The following ELFN1 variants were observed in gnomAD, a reference collection of about 807,000 sequenced individuals.
ELFN1 encodes protein ELFN1.
Under a neutral mutation model 7.6 loss-of-function variants are expected in ELFN1, and 6 were observed. The observed-to-expected ratio is 0.79, with a 90% CI of 0.43 to 1.56. The LOEUF (loss-of-function observed/expected upper bound fraction) is 1.56. ELFN1 is among the 40% of genes most tolerant of loss of function. The pLI is 0.01. For synonymous variants in ELFN1, 657 were observed against 588.1 expected, an observed-to-expected ratio of 1.12 and a Z score of -1.70; for missense variants, 1,169 against 1,232.2, an observed-to-expected ratio of 0.95 and a Z score of 0.77.
chr7:1,725,538 C>A (rs545243675), intron 3 of ELFN1, among the ~76,000 whole-genome samples: 5 of 152,284 alleles, frequency 3.3e-5, no homozygotes, highest in Middle Eastern at 3.4e-3. Context: ...GGCTGCCTCT[C>A]ATTGACTAAG....
At chr7:1,679,630 C>T (rs573511640) in intron 1 of ELFN1, among the ~76,000 whole-genome samples, 3 of 152,338 alleles carry the variant, frequency 2.0e-5, no homozygotes, top group East Asian at 3.9e-4. Flanking sequence ...GCCTCATGTT[C>T]GCACCTGTGC....
chr7:1,728,484 T>C (rs1780254591), intron 3 of ELFN1, among the ~76,000 whole-genome samples: 1 of 152,236 alleles, frequency 6.6e-6, no homozygotes, highest in African/African-American at 2.4e-5. Flanking sequence ...CCCAGTCCTC[T>C]TCACTCAGGG....
chr7:1,689,567 T>G (rs938917492), intron 2 of ELFN1, among the ~76,000 whole-genome samples: 1 of 152,330 alleles, frequency 6.6e-6, no homozygotes, highest in African/African-American at 2.4e-5. Flanking sequence ...GGGCTGGGCC[T>G]GGTGCACTAC....
chr7:1,732,101 G>C (rs1295122229), intron 3 of ELFN1, among the ~76,000 whole-genome samples: 2 of 152,238 alleles, frequency 1.3e-5, no homozygotes, highest in East Asian at 1.9e-4. Flanking sequence ...GGTGGAGATA[G>C]ATGGGAATCA....
At chr7:1,671,279 T>A (rs2128572484) in intron 1 of ELFN1, among the ~76,000 whole-genome samples, 1 of 151,554 alleles carries the variant, frequency 6.6e-6, no homozygotes, top group South Asian at 2.1e-4. Flanking sequence ...TTTCCACACC[T>A]GTGAAATGGG....
chr7:1,701,073 G>A (rs1226681214), intron 2 of ELFN1, among the ~76,000 whole-genome samples: 10 of 152,014 alleles, frequency 6.6e-5, no homozygotes, highest in Admixed American at 6.6e-4. Flanking sequence ...GCGTGTGTAT[G>A]TGTGCGTGTG....
chr7:1,701,873 A>G (rs1779434512), intron 2 of ELFN1, among the ~76,000 whole-genome samples: 1 of 152,172 alleles, frequency 6.6e-6, no homozygotes, highest in Non-Finnish European at 1.5e-5. Context: ...TTCAAAATGT[A>G]TAGTTCTTCT....
chr7:1,702,231 T>C (rs1277857911), intron 2 of ELFN1, among the ~76,000 whole-genome samples: 1 of 152,276 alleles, frequency 6.6e-6, no homozygotes, highest in East Asian at 1.9e-4. Flanking sequence ...GAGACCATCC[T>C]GGCTAACACG....
rs181766356 is a variant in ELFN1 at position 1,671,362 on chromosome 7, G to C, written c.-549+1008G>C. Among the ~76,000 whole-genome samples the C allele has an allele frequency of 4.1e-3, 630 of 152,348 alleles. 5 individuals are homozygous for C. The highest frequency in any genetic ancestry group is 0.015 in the African/African-American group (608 of 41,584). ...GGTCGAGGCCGGCCGAGCCAGGTGT[G>C]CACGTCCTCAAAAAGCCTCCGTGCC... On this transcript the variant is annotated intron_variant, in intron 1 of 3. Coordinates refer to ENST00000424383, the MANE Select transcript of ELFN1 (RefSeq NM_001128636.4).
At chr7:1,711,526 G>A (rs1417333510) in intron 3 of ELFN1, among the ~76,000 whole-genome samples, 3 of 151,214 alleles carry the variant, frequency 2.0e-5, no homozygotes, top group African/African-American at 7.3e-5. Context: ...GACAGCCGGA[G>A]GCTCAGAGAG....
chr7:1,727,009 C>T (rs978816993), intron 3 of ELFN1, among the ~76,000 whole-genome samples: 5 of 152,190 alleles, frequency 3.3e-5, no homozygotes, highest in African/African-American at 1.2e-4. Context: ...CAGCAGGCAA[C>T]AGGATCGGTG....
chr7:1,669,177 A>G (rs1279313107), upstream of ELFN1, among the ~76,000 whole-genome samples: 1 of 152,180 alleles, frequency 6.6e-6, no homozygotes, highest in Non-Finnish European at 1.5e-5. Flanking sequence ...GTTCATTCAC[A>G]TTCCCTCTCC....
rs55658122 is a variant in ELFN1, at chr7:1,711,575, T to TGAGAGA, written c.-294+2370_-294+2375dup. Among the ~76,000 whole-genome samples the TGAGAGA allele has an allele frequency of 4.4e-3, 384 of 87,564 alleles. 11 individuals are homozygous for TGAGAGA. Among genetic ancestry groups the TGAGAGA allele is most frequent in the South Asian group, 0.013 (28 of 2,180 alleles). 57.4% of individuals were successfully genotyped at this position (87,564 alleles called of 152,430 possible). ...AAACCTTGAAGAGAGAGCGAGAGAG[T>TGAGAGA]GAGAGAGAGAGAGAGAGAGAGAGAG... On this transcript the variant is annotated intron_variant, in intron 3 of 3. Transcript: ENST00000424383.
Position 1,746,425 on chromosome 7 carries a change from G to A in ELFN1, c.1829G>A (p.Gly610Asp). 6.5e-7 allele frequency: 1 copy of A among 1,532,246 alleles called. No homozygotes were observed. The highest frequency in any genetic ancestry group is 8.8e-7 in the Non-Finnish European group (1 of 1,141,908). The allele number at this position is 1,532,246 out of a possible 1,614,324, so 94.9% of individuals were successfully genotyped here. A position where few individuals can be genotyped will look rare whatever the true frequency, so the allele number is the denominator to read the frequency against. Residue 610 changes from glycine (G) to aspartate (D), a missense_variant, in exon 4 of 4, where the codon GGC becomes GAC. By Grantham distance (94) the Gly-to-Asp change is moderately conservative. This residue lies in a region of ELFN1 where 914 missense variants were observed against 872.6 expected (regional missense o/e 1.05). Transcript: ENST00000424383. Reference protein sequence around the residue: ...LLSEPLAAKHGFLAPGYKDAF... With the variant: ...LLSEPLAAKHDFLAPGYKDAF... ...TCCGAGCCGCTGGCCGCCAAGCACG[G>A]CTTCCTGGCGCCCGGGTACAAGGAC...
At chr7:1,727,979 TGCAGGG>T (rs1459752278) in intron 3 of ELFN1, among the ~76,000 whole-genome samples, 1 of 152,186 alleles carries the variant, frequency 6.6e-6, no homozygotes, top group Non-Finnish European at 1.5e-5. Context: ...CCACCCTGTG[TGCAGGG>T]GAGCGGTTTG....
intron 3 of ELFN1, among the ~76,000 whole-genome samples, chr7:1,723,261 C>T (rs567127013): frequency 6.6e-6 from 1 of 152,166 alleles, no homozygotes; most frequent in Non-Finnish European, 1.5e-5. Flanking sequence ...TTTCAGCACG[C>T]GGTTCAGTGG....
chr7:1,704,370 G>A (rs1213382085), intron 2 of ELFN1, among the ~76,000 whole-genome samples: 1 of 152,172 alleles, frequency 6.6e-6, no homozygotes, highest in Admixed American at 6.5e-5. Flanking sequence ...AAAAGGACCA[G>A]CGTTGTCTGG....
chr7:1,730,999 T>C (rs967094823), intron 3 of ELFN1, among the ~76,000 whole-genome samples: 3 of 152,178 alleles, frequency 2.0e-5, no homozygotes, highest in African/African-American at 7.2e-5. Context: ...ATCAATAACT[T>C]TTCTCTGAAC....
At chr7:1,724,910 C>T (rs2128595322) in intron 3 of ELFN1, among the ~76,000 whole-genome samples, 1 of 151,562 alleles carries the variant, frequency 6.6e-6, no homozygotes. Context: ...TCATCTTCAT[C>T]GCCTTACCTC....
Sources: allele counts gnomAD v4.1 joint callset (sites outside exome capture counted in the v4.1 genomes callset), GRCh38; gene constraint gnomAD v4.1.1; regional missense constraint gnomAD v4.1.1; transcripts MANE v1.5; gene names NCBI Gene and HGNC (gene_info 2026-07-23, HGNC 2026-07-21).